The following ZNF280D variants were observed in gnomAD, a reference collection of about 807,000 sequenced individuals.
The protein encoded by ZNF280D is zinc finger protein 280D, also known as suppressor of hairy wing homolog 4.
In ZNF280D, 39 loss-of-function variants were observed where a neutral mutation model predicts 94.7. That is an observed-to-expected ratio of 0.41 (90% CI 0.32 to 0.54). ZNF280D has a LOEUF of 0.54. Ranked by LOEUF, ZNF280D falls within the 20% of genes least tolerant of loss-of-function variation. ZNF280D has a pLI of 0.22. For missense variants in ZNF280D, 1,090 were observed against 1,149.3 expected, an observed-to-expected ratio of 0.95 and a Z score of 0.75; for synonymous variants, 398 against 377.6, an observed-to-expected ratio of 1.05 and a Z score of -0.63.
At chr15:56,704,002 C>A in intron 4 of ZNF280D, 119 bp downstream of exon 4, 1 of 1,069,946 alleles carries the variant, frequency 9.3e-7, no homozygotes, top group Non-Finnish European at 1.3e-6. Flanking sequence ...CTCAAGTCCC[C>A]AATCATGTTC....
intron 1 of ZNF280D, among the ~76,000 whole-genome samples, chr15:56,717,709 G>A (rs898744371): frequency 2.0e-5 from 3 of 152,226 alleles, no homozygotes; most frequent in Non-Finnish European, 2.9e-5. Context: ...GTTTACAGCT[G>A]TGGAAATTTA....
Position 56,693,094 on chromosome 15 carries a change from C to G in ZNF280D, c.499+4G>C. ...ACCTTTATGAAAAAAATACTAAAACCAACCTGCCATAGAAAGTGTTGGTCC... is the reference window on the plus strand; with the variant it reads ...ACCTTTATGAAAAAAATACTAAAACGAACCTGCCATAGAAAGTGTTGGTCC... On this transcript the variant is annotated splice_donor_region_variant and intron_variant, in intron 7 of 21. Coordinates refer to ENST00000267807, the MANE Select transcript of ZNF280D (RefSeq NM_017661.4). The G allele has an allele frequency of 6.3e-7, 1 of 1,578,146 alleles. No homozygotes were observed. The highest frequency in any genetic ancestry group is 8.7e-7 in the Non-Finnish European group (1 of 1,153,392).
In ZNF280D at chr15:56,641,258, A is replaced by T. The variant is rs114045094; in HGVS notation, c.2259+1694T>A. ...CTTCAATTGTTGTAAGCAAAGGGATAGGCCTTTTATTAAGTGTGTAGCTTT... is the reference window on the plus strand; with the variant it reads ...CTTCAATTGTTGTAAGCAAAGGGATTGGCCTTTTATTAAGTGTGTAGCTTT... On this transcript the variant is annotated intron_variant, in intron 20 of 21. Coordinates refer to ENST00000267807, the MANE Select transcript of ZNF280D (RefSeq NM_017661.4). Among the ~76,000 whole-genome samples, 1,459 of 152,108 alleles carry T rather than the reference A, an allele frequency of 9.6e-3. 24 individuals carry two copies. Among genetic ancestry groups the T allele is most frequent in the African/African-American group, 0.032 (1,350 of 41,562 alleles).
chr15:56,632,669 T>A (rs1008140761), intron 21 of ZNF280D, among the ~76,000 whole-genome samples: 3 of 151,558 alleles, frequency 2.0e-5, no homozygotes, highest in Non-Finnish European at 4.4e-5. Context: ...CTATTTTTTT[T>A]ATATTTCATA....
chr15:56,641,693 G>C (rs1354565991), intron 20 of ZNF280D, among the ~76,000 whole-genome samples: 2 of 151,624 alleles, frequency 1.3e-5, no homozygotes, highest in Non-Finnish European at 3.0e-5. Context: ...AACAAATTAG[G>C]CATAATTATT....
chr15:56,724,586 C>T (rs1250820064), intron 1 of ZNF280D, among the ~76,000 whole-genome samples: 1 of 152,224 alleles, frequency 6.6e-6, no homozygotes, highest in Non-Finnish European at 1.5e-5. Context: ...CAATATCTGG[C>T]ACCCAGTGTT....
chr15:56,704,666 G>A (rs550885471), intron 3 of ZNF280D, among the ~76,000 whole-genome samples: 1 of 152,244 alleles, frequency 6.6e-6, no homozygotes, highest in Admixed American at 6.5e-5. Context: ...AGATAAACTG[G>A]ATAAACTAAA....
At chr15:56,673,484 C>A (rs1363343780) in intron 13 of ZNF280D, among the ~76,000 whole-genome samples, 2 of 152,032 alleles carry the variant, frequency 1.3e-5, no homozygotes, top group Non-Finnish European at 2.9e-5. Context: ...ACCATACTGG[C>A]CCAAGCCACT....
chr15:56,666,301 A>C, intron 16 of ZNF280D, 94 bp downstream of exon 16: 3 of 1,374,600 alleles, frequency 2.2e-6, no homozygotes, highest in Non-Finnish European at 3.0e-6. Flanking sequence ...CTTGAAGAGA[A>C]AAACTGGCTT....
Position 56,695,558 on chromosome 15 carries a change from TC to T in ZNF280D, c.382-2344del, listed in dbSNP as rs568174280. Among the ~76,000 whole-genome samples, 13 of 132,342 alleles carry T rather than the reference TC, an allele frequency of 9.8e-5. No homozygotes were observed. The East Asian group carries it at 2.6e-3, about 27-fold the overall frequency. The allele number at this position is 132,342 out of a possible 152,430, so 86.8% of individuals were successfully genotyped here. On this transcript the variant is annotated intron_variant, in intron 6 of 21. Coordinates refer to ENST00000267807, the MANE Select transcript of ZNF280D (RefSeq NM_017661.4). ...CTTTTTTTTTTTTTTTGAGACGGAG[TC>T]TCACTCTGTCACCAGGCTGGAGTGC...
chr15:56,687,406 T>C (rs1264950307), intron 9 of ZNF280D, among the ~76,000 whole-genome samples: 1 of 152,120 alleles, frequency 6.6e-6, no homozygotes, highest in Non-Finnish European at 1.5e-5. Context: ...TGCAGAGATA[T>C]ATATAACATG....
intron 9 of ZNF280D, among the ~76,000 whole-genome samples, chr15:56,683,024 AG>A (rs1484748785): frequency 6.6e-6 from 1 of 152,152 alleles, no homozygotes; most frequent in African/African-American, 2.4e-5. Flanking sequence ...TTGCAAAGTT[AG>A]TCTATGAACA....
intron 21 of ZNF280D, among the ~76,000 whole-genome samples, chr15:56,633,600 C>T (rs1226775930): frequency 6.6e-6 from 1 of 151,820 alleles, no homozygotes; most frequent in Non-Finnish European, 1.5e-5. Context: ...AGGTGATTCT[C>T]CTGCCTCAGC....
chr15:56,702,800 A>G (rs953821703), intron 4 of ZNF280D, among the ~76,000 whole-genome samples: 5 of 152,000 alleles, frequency 3.3e-5, no homozygotes, highest in Non-Finnish European at 1.5e-5. Context: ...TCTCTCTGAT[A>G]AAACTGAATA....
chr15:56,729,308 A>C (rs528545844), intron 1 of ZNF280D, among the ~76,000 whole-genome samples: 3 of 152,238 alleles, frequency 2.0e-5, no homozygotes, highest in African/African-American at 7.2e-5. Context: ...ATCACACAGC[A>C]TCAAACTCTC....
At chr15:56,712,637 C>T (rs187763345) in intron 1 of ZNF280D, among the ~76,000 whole-genome samples, 145 of 123,704 alleles carry the variant, frequency 1.2e-3, no homozygotes, top group Middle Eastern at 5.0e-3. Flanking sequence ...AAAGAAAAAA[C>T]ACTCATTCTA....
At chr15:56,632,168 T>G in intron 21 of ZNF280D, 46 bp from the exon 22 acceptor site, 1 of 1,429,724 alleles carries the variant, frequency 7.0e-7, no homozygotes, top group Non-Finnish European at 9.3e-7. Flanking sequence ...TAAAGCAATG[T>G]TTTTGAACAC....
chr15:56,723,175 G>A (rs1012408395), intron 1 of ZNF280D, among the ~76,000 whole-genome samples: 11 of 151,722 alleles, frequency 7.3e-5, no homozygotes, highest in East Asian at 1.9e-4. Flanking sequence ...ACATGTATAC[G>A]TATGTAACTA....
chr15:56,652,613 T>A, intron 19 of ZNF280D: 1 of 982,676 alleles, frequency 1.0e-6, no homozygotes, highest in East Asian at 1.1e-4. Flanking sequence ...GCATTACTGG[T>A]CACCATATGT....
Sources: gnomAD v4.1 joint callset for allele counts (sites outside exome capture counted in the v4.1 genomes callset) on GRCh38, gnomAD v4.1.1 for gene constraint, MANE v1.5 for transcripts, NCBI Gene and HGNC (gene_info 2026-07-23, HGNC 2026-07-21) for gene names.